Variants in RBFOX1 observed in about 807,000 individuals in gnomAD.
RBFOX1 encodes RNA binding protein fox-1 homolog 1.
In RBFOX1, 8 loss-of-function variants were observed where a neutral mutation model predicts 57.7. That is an observed-to-expected ratio of 0.14 (90% CI 0.08 to 0.25). RBFOX1 has a LOEUF of 0.25. RBFOX1 is among the 10% of genes least tolerant of loss of function. The pLI is 1.00. For missense variants in RBFOX1, 611 were observed against 548.5 expected (o/e 1.11, Z -1.14); for synonymous variants, 326 against 222.4 (o/e 1.47, Z -4.15).
intron 2 of RBFOX1, among the ~76,000 whole-genome samples, chr16:6,409,971 C>G (rs2093404384): frequency 6.6e-6 from 1 of 152,040 alleles, no homozygotes; most frequent in Non-Finnish European, 1.5e-5. Context: ...TCAGCCACTG[C>G]CAGAGGCTGC....
intron 2 of RBFOX1, among the ~76,000 whole-genome samples, chr16:6,492,978 G>A (rs1259019697): frequency 1.3e-5 from 2 of 152,196 alleles, no homozygotes; most frequent in Non-Finnish European, 2.9e-5. Context: ...TAAGAGAGGG[G>A]CAGGGAAGAG....
chr16:7,061,305 A>G (rs1047711356), intron 4 of RBFOX1, among the ~76,000 whole-genome samples: 24 of 152,226 alleles, frequency 1.6e-4, no homozygotes, highest in Admixed American at 8.5e-4. Flanking sequence ...CCTGTTCCAT[A>G]CAGAGCTTGT....
chr16:6,817,241 A>T (rs1000656806), intron 3 of RBFOX1, among the ~76,000 whole-genome samples: 8 of 152,260 alleles, frequency 5.3e-5, no homozygotes, highest in Middle Eastern at 3.4e-3. Context: ...TTAAAGTGGA[A>T]TCAGACACCC....
At chr16:5,326,446 A>G (rs958983232) in intron 1 of RBFOX1, among the ~76,000 whole-genome samples, 1 of 152,192 alleles carries the variant, frequency 6.6e-6, no homozygotes, top group Non-Finnish European at 1.5e-5. Flanking sequence ...GTTCAGGAGA[A>G]CAGTGTTTCT....
chr16:7,483,994 C>A (rs2064714150), intron 4 of RBFOX1, among the ~76,000 whole-genome samples: 1 of 152,176 alleles, frequency 6.6e-6, no homozygotes, highest in Non-Finnish European at 1.5e-5. Context: ...TATTTTCAGT[C>A]TATTCTGCCC....
chr16:6,947,782 T>G (rs2079856979), intron 3 of RBFOX1, among the ~76,000 whole-genome samples: 1 of 152,156 alleles, frequency 6.6e-6, no homozygotes, highest in Non-Finnish European at 1.5e-5. Context: ...CTCTTGCTCT[T>G]TTTCATTTTT....
Position 6,927,414 on chromosome 16 carries a change from C to CAAAAAAAAAAAAAAAAAAAA in RBFOX1, c.-15-124637_-15-124618dup, listed in dbSNP as rs1194663760. Among the ~76,000 whole-genome samples the CAAAAAAAAAAAAAAAAAAAA allele has an allele frequency of 3.8e-5, 2 of 53,144 alleles. 1 individual carries two copies. Among genetic ancestry groups the CAAAAAAAAAAAAAAAAAAAA allele is most frequent in the African/African-American group, 2.2e-4 (2 of 9,278 alleles). The allele number at this position is 53,144 out of a possible 152,430, so 34.9% of individuals were successfully genotyped here. ...GGCAACAGAGTGAGACGCTTTCTCACAAAAAAAAAAAAAAAAAAAAAAAAA... is the reference window on the plus strand; with the variant it reads ...GGCAACAGAGTGAGACGCTTTCTCACAAAAAAAAAAAAAAAAAAAAAAAAAAAAAAAAAAAAAAAAAAAAA... On this transcript the variant is annotated intron_variant, in intron 3 of 15. Transcript: ENST00000550418.
At chr16:5,986,622 A>G (rs1453883002) in intron 4 of RBFOX1, among the ~76,000 whole-genome samples, 2 of 152,216 alleles carry the variant, frequency 1.3e-5, no homozygotes, top group African/African-American at 4.8e-5. Context: ...TGTTATATAC[A>G]TAGAATCACA....
At position 6,938,559 on chromosome 16, in the gene RBFOX1, A is replaced by G. The variant is rs113832390; in HGVS notation, c.-15-113498A>G. On this transcript the variant is annotated intron_variant, in intron 3 of 15. Transcript: ENST00000550418. Reference sequence around the variant, plus strand: ...TTCTAGCATTACCAGACACTGAATTACTGTATTTTTTCTCTTCATTTTTTT... The same window carrying G: ...TTCTAGCATTACCAGACACTGAATTGCTGTATTTTTTCTCTTCATTTTTTT... Among the ~76,000 whole-genome samples, 940 of 95,930 alleles carry G rather than the reference A, an allele frequency of 9.8e-3. 14 individuals carry two copies. Among genetic ancestry groups the G allele is most frequent in the African/African-American group, 0.059 (887 of 15,014 alleles). 62.9% of individuals were successfully genotyped at this position (95,930 alleles called of 152,430 possible).
At chr16:6,534,218 A>G (rs575411219) in intron 2 of RBFOX1, among the ~76,000 whole-genome samples, 1 of 152,314 alleles carries the variant, frequency 6.6e-6, no homozygotes, top group South Asian at 2.1e-4. Context: ...CTATCCAGCA[A>G]TAAAAAGAAA....
At chr16:6,878,096 T>C (rs1376744068) in intron 3 of RBFOX1, among the ~76,000 whole-genome samples, 2 of 152,160 alleles carry the variant, frequency 1.3e-5, no homozygotes, top group African/African-American at 4.8e-5. Flanking sequence ...GGCTGAGATA[T>C]ATGGTGGCGT....
chr16:5,753,869 C>A (rs565811515), intron 3 of RBFOX1, among the ~76,000 whole-genome samples: 1,554 of 150,640 alleles, frequency 0.01, 34 homozygotes, highest in African/African-American at 0.036. Context: ...AAAAAAAAAA[C>A]ACAAAAATCA....
At chr16:7,111,585 C>A (rs751723359) in intron 4 of RBFOX1, among the ~76,000 whole-genome samples, 1 of 152,068 alleles carries the variant, frequency 6.6e-6, no homozygotes, top group Non-Finnish European at 1.5e-5. Flanking sequence ...GTGTTTTAAA[C>A]CAGATAAAGC....
chr16:7,212,954 G>C (rs1317126138), intron 4 of RBFOX1, among the ~76,000 whole-genome samples: 3 of 152,288 alleles, frequency 2.0e-5, no homozygotes, highest in Non-Finnish European at 2.9e-5. Flanking sequence ...CTCATATTTT[G>C]AGAATAATTC....
At chr16:7,004,840 C>T (rs1052689481) in intron 3 of RBFOX1, among the ~76,000 whole-genome samples, 3 of 152,080 alleles carry the variant, frequency 2.0e-5, no homozygotes, top group Admixed American at 6.6e-5. Context: ...CCTGTTGGGA[C>T]AGAACAGGTT....
chr16:6,180,136 A>G (rs990450476), intron 1 of RBFOX1, among the ~76,000 whole-genome samples: 1 of 152,124 alleles, frequency 6.6e-6, no homozygotes, highest in Non-Finnish European at 1.5e-5. Context: ...TGATATGAGG[A>G]TAACAGTAGT....
At chr16:7,010,796 C>G (rs966447009) in intron 3 of RBFOX1, among the ~76,000 whole-genome samples, 3 of 152,108 alleles carry the variant, frequency 2.0e-5, no homozygotes, top group African/African-American at 7.2e-5. Flanking sequence ...AACTCCTGGC[C>G]TCAAGTGATC....
intron 2 of RBFOX1, among the ~76,000 whole-genome samples, chr16:5,506,604 T>G (rs369984821): frequency 3.3e-5 from 5 of 152,074 alleles, no homozygotes; most frequent in Admixed American, 2.0e-4. Context: ...AATGATAAAT[T>G]AAACCTATTA....
intron 2 of RBFOX1, among the ~76,000 whole-genome samples, chr16:6,438,633 G>C (rs1168204327): frequency 2.0e-5 from 3 of 152,114 alleles, no homozygotes; most frequent in Admixed American, 2.0e-4. Context: ...TAACTTATTT[G>C]AACCCTCTGA....
Sources: allele counts gnomAD v4.1 joint callset (sites outside exome capture counted in the v4.1 genomes callset), GRCh38; gene constraint gnomAD v4.1.1; transcripts MANE v1.5; gene names NCBI Gene and HGNC (gene_info 2026-07-23, HGNC 2026-07-21).